Variants in HSF2 observed in about 807,000 individuals in gnomAD.
HSF2 encodes heat shock transcription factor 2.
A neutral mutation model predicts 65.0 loss-of-function variants in HSF2; 21 were observed. The observed-to-expected ratio is 0.32, with a 90% CI of 0.23 to 0.47. The LOEUF is 0.47. Among genes scored for constraint, HSF2 ranks in the 20% least tolerant of loss-of-function variants. The pLI is 1.00. For synonymous variants in HSF2, 225 were observed against 219.1 expected, an observed-to-expected ratio of 1.03 and a Z score of -0.24; for missense variants, 499 against 628.1, an observed-to-expected ratio of 0.79 and a Z score of 2.20.
At chr6:122,423,987 C>T (rs1774291673) in intron 10 of HSF2, among the ~76,000 whole-genome samples, 1 of 151,830 alleles carries the variant, frequency 6.6e-6, no homozygotes, top group Non-Finnish European at 1.5e-5. Flanking sequence ...CTGTTTTGCT[C>T]TAGAATGAAT....
At chr6:122,427,055 C>G (rs1024482449) in intron 10 of HSF2, among the ~76,000 whole-genome samples, 1 of 151,920 alleles carries the variant, frequency 6.6e-6, no homozygotes. Flanking sequence ...TTTATCAGCC[C>G]TTTTATTTCA....
intron 7 of HSF2, among the ~76,000 whole-genome samples, chr6:122,421,313 T>C (rs1774230722): frequency 6.6e-6 from 1 of 152,110 alleles, no homozygotes; most frequent in Non-Finnish European, 1.5e-5. Context: ...TCTTTAGATT[T>C]ATTATTAAAG....
At chr6:122,428,443 A>AT (rs917340397) in intron 11 of HSF2, among the ~76,000 whole-genome samples, 120 of 149,924 alleles carry the variant, frequency 8.0e-4, no homozygotes, top group African/African-American at 2.2e-3. Flanking sequence ...AGTAATAAGG[A>AT]TTTTTTTTTT....
intron 1 of HSF2, among the ~76,000 whole-genome samples, chr6:122,402,329 A>G (rs968006912): frequency 6.6e-6 from 1 of 152,232 alleles, no homozygotes; most frequent in Non-Finnish European, 1.5e-5. Context: ...CAGCTGTCTC[A>G]TTTGTGCTCT....
At chr6:122,428,594 T>G (rs191687265) in intron 11 of HSF2, among the ~76,000 whole-genome samples, 49 of 152,150 alleles carry the variant, frequency 3.2e-4, no homozygotes, top group Non-Finnish European at 1.5e-5. Context: ...TTAATTGTCA[T>G]GAATAGGTAT....
chr6:122,415,454 G>A (rs1032859074), intron 4 of HSF2, among the ~76,000 whole-genome samples: 7 of 152,058 alleles, frequency 4.6e-5, no homozygotes, highest in Non-Finnish European at 7.4e-5. Flanking sequence ...TTTTAAATAA[G>A]TAATACACAT....
chr6:122,405,669 G>A (rs1017876544), intron 1 of HSF2, among the ~76,000 whole-genome samples: 1 of 152,024 alleles, frequency 6.6e-6, no homozygotes, highest in Non-Finnish European at 1.5e-5. Flanking sequence ...TCTAGGTCAC[G>A]GGTTGGCAAA....
At position 122,424,723 on chromosome 6, in the gene HSF2, C is replaced by T. The variant is rs180829117; in HGVS notation, c.1176+1037C>T. Among the ~76,000 whole-genome samples, 9 of 152,116 alleles carry T rather than the reference C, an allele frequency of 5.9e-5. No individual in the cohort carries two copies. In the South Asian group the frequency reaches 6.2e-4, roughly 11 times the overall value. Reference sequence around the variant, plus strand: ...ATGTTGATAACCTACTTCAACTTAGCGGTAACCTGACAGTGTTTTTTGATC... The same window carrying T: ...ATGTTGATAACCTACTTCAACTTAGTGGTAACCTGACAGTGTTTTTTGATC... On this transcript the variant is annotated intron_variant, in intron 10 of 12. Coordinates refer to ENST00000368455, the MANE Select transcript of HSF2 (RefSeq NM_004506.4).
At chr6:122,424,036 GTAC>G (rs1339079136) in intron 10 of HSF2, among the ~76,000 whole-genome samples, 4 of 151,992 alleles carry the variant, frequency 2.6e-5, no homozygotes, top group Non-Finnish European at 4.4e-5. Flanking sequence ...AGTAATAGAG[GTAC>G]TTAGCTAGGA....
At chr6:122,420,013 C>T in intron 6 of HSF2, 122 bp from the exon 7 acceptor site, 1 of 844,392 alleles carries the variant, frequency 1.2e-6, no homozygotes, top group Non-Finnish European at 1.6e-6. Context: ...TTTATTGTTA[C>T]TGAAATTTTT....
At chr6:122,430,081 T>A (rs1292706860) in intron 11 of HSF2, among the ~76,000 whole-genome samples, 1 of 152,180 alleles carries the variant, frequency 6.6e-6, no homozygotes, top group Non-Finnish European at 1.5e-5. Flanking sequence ...TCAGAAGGAA[T>A]GGTACCGCTC....
chr6:122,428,592 C>G (rs902069250), intron 11 of HSF2, among the ~76,000 whole-genome samples: 8 of 151,898 alleles, frequency 5.3e-5, no homozygotes, highest in Non-Finnish European at 1.2e-4. Flanking sequence ...ACTTAATTGT[C>G]ATGAATAGGT....
intron 4 of HSF2, among the ~76,000 whole-genome samples, chr6:122,414,965 T>C (rs1274396907): frequency 1.3e-5 from 2 of 152,158 alleles, no homozygotes; most frequent in Non-Finnish European, 2.9e-5. Context: ...TTAATTTGAA[T>C]CAGAAAAATA....
rs150919210 is a variant in HSF2 at position 122,412,736 on chromosome 6, A to G, written c.302A>G (p.Asp101Gly). The G allele has an allele frequency of 1.7e-5, 27 of 1,613,024 alleles. No individual in the cohort carries two copies. In the East Asian group the frequency reaches 5.6e-4, roughly 33 times the overall value. The change falls in exon 3 of 13, where the codon GAT (aspartate) becomes GGT (glycine). Residue 101 changes from aspartate to glycine, a missense_variant. By Grantham distance (94) the Asp-to-Gly change is moderately conservative (BLOSUM62 -1). Coordinates refer to ENST00000368455, the MANE Select transcript of HSF2 (RefSeq NM_004506.4). ...FQHPYFKQGQ[D>G]DLLENIKRKV... ...CATCCTTACTTCAAACAAGGACAGG[A>G]TGACTTGTTGGAGAACATTAAAAGG...
chr6:122,428,277 T>G (rs1774381293), intron 11 of HSF2, among the ~76,000 whole-genome samples: 2 of 152,050 alleles, frequency 1.3e-5, no homozygotes, highest in Admixed American at 1.3e-4. Context: ...GGCAGCATTT[T>G]ACATTCTTAT....
intron 7 of HSF2, 33 bp downstream of exon 7, chr6:122,420,255 A>T: frequency 6.6e-7 from 1 of 1,507,944 alleles, no homozygotes; most frequent in Non-Finnish European, 9.1e-7. Flanking sequence ...TTTTATATTT[A>T]TTGTCTCAGA....
chr6:122,404,187 G>A (rs1032699137), intron 1 of HSF2, among the ~76,000 whole-genome samples: 2 of 152,178 alleles, frequency 1.3e-5, no homozygotes, highest in Non-Finnish European at 2.9e-5. Flanking sequence ...AGGTAGGAGG[G>A]AGAGAGAGCA....
At chr6:122,411,613 C>G (rs1424729773) in intron 1 of HSF2, among the ~76,000 whole-genome samples, 2 of 151,752 alleles carry the variant, frequency 1.3e-5, no homozygotes, top group Non-Finnish European at 3.0e-5. Flanking sequence ...TATATGTTAT[C>G]AGATAAGGGT....
At chr6:122,423,359 G>A (rs549988349) in intron 9 of HSF2, among the ~76,000 whole-genome samples, 2 of 152,188 alleles carry the variant, frequency 1.3e-5, no homozygotes, top group Admixed American at 6.6e-5. Flanking sequence ...TCTGCAGGGT[G>A]TGTTTTTCTG....
Sources: gnomAD v4.1 joint callset for allele counts (sites outside exome capture counted in the v4.1 genomes callset) on GRCh38, gnomAD v4.1.1 for gene constraint, MANE v1.5 for transcripts, NCBI Gene and HGNC (gene_info 2026-07-23, HGNC 2026-07-21) for gene names.